The following SAMD14 variants were observed in gnomAD, a reference collection of about 807,000 sequenced individuals.
SAMD14 encodes sterile alpha motif domain containing 14.
A neutral mutation model predicts 46.2 loss-of-function variants in SAMD14; 27 were observed. The ratio of observed to expected loss-of-function variants is 0.58; its 90% CI spans 0.43 to 0.81. SAMD14 has a LOEUF of 0.81. Among genes scored for constraint, SAMD14 ranks in the 30% least tolerant of loss-of-function variants. The probability of loss-of-function intolerance (pLI) is 0.00; values close to 1 mark genes in which losing one functional copy is unlikely to be tolerated. For missense variants in SAMD14, 559 were observed against 582.2 expected, an observed-to-expected ratio of 0.96 and a Z score of 0.41; for synonymous variants, 241 against 254.3, an observed-to-expected ratio of 0.95 and a Z score of 0.50.
intron 2 of SAMD14, among the ~76,000 whole-genome samples, chr17:50,121,122 T>C (rs973476888): frequency 3.3e-5 from 5 of 152,248 alleles, no homozygotes; most frequent in African/African-American, 1.2e-4. Context: ...CTCACACCCA[T>C]GGAACCTGGG....
chr17:50,128,512 A>C (rs544817293), intron 1 of SAMD14, among the ~76,000 whole-genome samples: 71 of 137,296 alleles, frequency 5.2e-4, no homozygotes, highest in South Asian at 2.1e-3. Flanking sequence ...ACACACACAC[A>C]CCCCCATTCA....
At chr17:50,118,439 C>T in intron 2 of SAMD14, 112 bp from the exon 3 acceptor site, 2 of 1,301,188 alleles carry the variant, frequency 1.5e-6, no homozygotes, top group Non-Finnish European at 2.1e-6. Context: ...AACCCGTGTT[C>T]TTGAGTGCTG....
chr17:50,118,630 T>G (rs1047200178), intron 2 of SAMD14, among the ~76,000 whole-genome samples: 5 of 152,080 alleles, frequency 3.3e-5, no homozygotes, highest in Non-Finnish European at 7.4e-5. Flanking sequence ...AAGCTGGGTT[T>G]TAACGTCTGG....
intron 2 of SAMD14, 109 bp from the exon 3 acceptor site, chr17:50,118,436 G>C: frequency 2.3e-6 from 3 of 1,303,076 alleles, no homozygotes; most frequent in Non-Finnish European, 3.2e-6. Flanking sequence ...TTCAACCCGT[G>C]TTCTTGAGTG....
Position 50,110,234 on chromosome 17 carries a change from C to A in SAMD14, c.*2659G>T. The A allele has an allele frequency of 1.0e-6, 1 of 956,500 alleles. No individual in the cohort carries two copies. The highest frequency in any genetic ancestry group is 1.5e-6 in the Non-Finnish European group (1 of 666,252). 59.3% of individuals were successfully genotyped at this position (956,500 alleles called of 1,614,324 possible). A position where few individuals can be genotyped will look rare whatever the true frequency, so the allele number is the denominator to read the frequency against. ...CCAGGTTCTGTCTCTATGGAAGTCA[C>A]TGCGGTGATAGGTCTGTGATGGTCC... is the stretch of plus-strand genomic sequence containing the variant. On this transcript the variant is annotated 3_prime_UTR_variant, in exon 10 of 10. Transcript: ENST00000330175.
Position 50,129,736 on chromosome 17 carries a change from G to C in SAMD14, c.-232C>G, listed in dbSNP as rs2144426649. On this transcript the variant is annotated 5_prime_UTR_variant, in exon 1 of 10. Transcript: ENST00000330175. This position sits in a 1 kb window ranked among gnomAD's most constrained non-coding sequence, Gnocchi z 5.6. ...GGAGGGCGGGGGATGTGGGGAGAGG[G>C]AACAGGTTCGCTGGAAGCAGGAGGC... The C allele has an allele frequency of 6.5e-6, 1 of 153,062 alleles. No homozygotes were observed. The highest frequency in any genetic ancestry group is 1.9e-4 in the East Asian group (1 of 5,172). 9.5% of individuals were successfully genotyped at this position (153,062 alleles called of 1,614,324 possible).
At chr17:50,119,404 A>G (rs532142331) in intron 2 of SAMD14, among the ~76,000 whole-genome samples, 19 of 152,148 alleles carry the variant, frequency 1.2e-4, no homozygotes, top group African/African-American at 4.6e-4. Context: ...TCCACCCAGC[A>G]TGATCTCAGG....
At chr17:50,114,564 AGGCAAGGT>A in intron 7 of SAMD14, 1 of 857,858 alleles carries the variant, frequency 1.2e-6, no homozygotes, top group Non-Finnish European at 1.8e-6. Flanking sequence ...AGGCGGTCTC[AGGCAAGGT>A]GTCACTTCCT....
intron 9 of SAMD14, 37 bp downstream of exon 9, chr17:50,113,887 A>T: frequency 2.5e-6 from 4 of 1,611,772 alleles, no homozygotes; most frequent in Non-Finnish European, 3.4e-6. Flanking sequence ...CACCTCAAGT[A>T]ACTGGGCTGG....
At chr17:50,123,526 C>A (rs1668912928) in intron 2 of SAMD14, 1 of 152,952 alleles carries the variant, frequency 6.5e-6, no homozygotes, top group Admixed American at 6.5e-5. Flanking sequence ...GCCATCTTAC[C>A]TTGGAGGGGC....
chr17:50,129,381 C>G lies in SAMD14; in HGVS notation c.-13+136G>C, dbSNP rs1911927911. 1 of 152,344 alleles carries G rather than the reference C, an allele frequency of 6.6e-6. No homozygotes were observed. Among genetic ancestry groups the G allele is most frequent in the Non-Finnish European group, 1.5e-5 (1 of 68,164 alleles). The allele number at this position is 152,344 out of a possible 1,614,324, so 9.4% of individuals were successfully genotyped here. A position where few individuals can be genotyped will look rare whatever the true frequency, so the allele number is the denominator to read the frequency against. On this transcript the variant is annotated intron_variant, in intron 1 of 9. Transcript: ENST00000330175. The surrounding 1 kb of genome is among the most constrained non-coding windows in gnomAD (Gnocchi z 5.6). The stretch of plus-strand genomic sequence containing the variant: ...CCCTGACAGCCCGGCACCCCAGCCC[C>G]GTGCGGTCCCCCTAGGGATAGGGGA...
intron 1 of SAMD14, among the ~76,000 whole-genome samples, chr17:50,126,737 G>A (rs1299889048): frequency 6.6e-6 from 1 of 152,222 alleles, no homozygotes; most frequent in Non-Finnish European, 1.5e-5. Flanking sequence ...AGGAGACTGA[G>A]GTGGGAGGAT....
intron 4 of SAMD14, 143 bp downstream of exon 4, chr17:50,117,264 G>T: frequency 1.3e-6 from 1 of 785,054 alleles, no homozygotes; most frequent in Non-Finnish European, 1.7e-6. Flanking sequence ...GGTAAAGAAT[G>T]AGTGAGCGGC....
At chr17:50,122,212 C>G (rs998828893) in intron 2 of SAMD14, among the ~76,000 whole-genome samples, 48 of 152,194 alleles carry the variant, frequency 3.2e-4, no homozygotes, top group African/African-American at 1.2e-3. Flanking sequence ...ACGATACGGT[C>G]GGGATATGGT....
chr17:50,128,472 G>A (rs1045980190), intron 1 of SAMD14, among the ~76,000 whole-genome samples: 6 of 84,540 alleles, frequency 7.1e-5, no homozygotes, highest in Admixed American at 6.7e-4. Flanking sequence ...CACACACCCC[G>A]CACACTCTCT....
chr17:50,115,661 G>A lies in SAMD14; in HGVS notation c.725C>T (p.Thr242Met), dbSNP rs774495511. ...GSPFLPFSWF[T>M]DSGKGSASSG... is the part of the protein sequence containing the mutation. Reference sequence around the variant, plus strand: ...GGATGCTGAGCCCTTGCCGCTGTCCGTGAACCAGGAAAAAGGCAGGAACGG... The same window carrying A: ...GGATGCTGAGCCCTTGCCGCTGTCCATGAACCAGGAAAAAGGCAGGAACGG... Residue 242 changes from threonine to methionine, a missense_variant, in exon 7 of 10, where the codon ACG (threonine) becomes ATG (methionine). Thr to Met is a moderately conservative substitution (Grantham distance 81). Transcript: ENST00000330175. This position sits in a 1 kb window ranked among gnomAD's most constrained non-coding sequence, Gnocchi z 5.3. The A allele has an allele frequency of 2.8e-5, 45 of 1,608,362 alleles. No individual in the cohort carries two copies. Among genetic ancestry groups the A allele is most frequent in the Non-Finnish European group, 3.6e-5 (42 of 1,176,472 alleles).
At position 50,112,910 on chromosome 17, in the gene SAMD14, C is replaced by T. The variant is rs752769210; in HGVS notation, c.1237G>A (p.Glu413Lys). 2.1e-5 allele frequency: 33 copies of T among 1,606,106 alleles called. No individual in the cohort carries two copies. The highest frequency in any genetic ancestry group is 1.7e-4 in the Middle Eastern group (1 of 6,056). ...ACCCTCCCCTAGCTCTTCTTGGCCT[C>T]CTGCTCTCGGCGCCGGAGCTTCTCC... ...QREKLRRREQEAKKS is the reference protein window; with the variant it reads ...QREKLRRREQKAKKS The change falls in exon 10 of 10, where the codon GAG becomes AAG. Residue 413 changes from glutamate to lysine, a missense_variant. Coordinates refer to ENST00000330175, the MANE Select transcript of SAMD14 (RefSeq NM_001257359.2).
At chr17:50,125,250 A>C in intron 1 of SAMD14, 1 of 425,890 alleles carries the variant, frequency 2.3e-6, no homozygotes. Context: ...TGGTCCACTG[A>C]TTTGCTGTGT....
At position 50,114,092 on chromosome 17, in the gene SAMD14, C is replaced by A; in HGVS notation, c.943-13G>T. 2.5e-6 allele frequency: 4 copies of A among 1,613,682 alleles called. No individual in the cohort carries two copies. Among genetic ancestry groups the A allele is most frequent in the Non-Finnish European group, 3.4e-6 (4 of 1,180,012 alleles). Reference sequence around the variant, plus strand: ...GTTCATCCAGGAACTGGGCAGAGACCAAGGAGAGTGAGGGGGAGGCTTGGC... The same window carrying A: ...GTTCATCCAGGAACTGGGCAGAGACAAAGGAGAGTGAGGGGGAGGCTTGGC... On this transcript the variant is annotated splice_polypyrimidine_tract_variant and intron_variant, in intron 8 of 9. Coordinates refer to ENST00000330175, the MANE Select transcript of SAMD14 (RefSeq NM_001257359.2).
Sources: gnomAD v4.1 joint callset for allele counts (sites outside exome capture counted in the v4.1 genomes callset) on GRCh38, gnomAD v4.1.1 for gene constraint, Gnocchi (gnomAD v3.1) non-coding constraint, MANE v1.5 for transcripts, NCBI Gene and HGNC (gene_info 2026-07-23, HGNC 2026-07-21) for gene names.